The following ATP6V0D2 variants were observed in gnomAD, a reference collection of about 807,000 sequenced individuals.
ATP6V0D2 encodes the protein ATPase H+ transporting V0 subunit d2.
In ATP6V0D2, 40 loss-of-function variants were observed where a neutral mutation model predicts 40.0. The observed-to-expected ratio is 1.00, with a 90% confidence interval of 0.78 to 1.30. ATP6V0D2 has a LOEUF of 1.30. Ranked by LOEUF, ATP6V0D2 falls within the 50% of genes most tolerant of loss-of-function variation. ATP6V0D2 has a pLI of 0.00. For missense variants in ATP6V0D2, 470 were observed against 423.1 expected (o/e 1.11, Z -0.97); for synonymous variants, 179 against 156.3 (o/e 1.15, Z -1.08).
intron 1 of ATP6V0D2, among the ~76,000 whole-genome samples, chr8:86,103,410 C>T (rs553786710): frequency 7.3e-5 from 11 of 151,662 alleles, no homozygotes; most frequent in Middle Eastern, 3.4e-3. Context: ...GGATTACAGA[C>T]GTGAGCTGCT....
intron 1 of ATP6V0D2, among the ~76,000 whole-genome samples, chr8:86,103,140 G>T (rs553594770): frequency 1.3e-5 from 2 of 151,596 alleles, no homozygotes; most frequent in Admixed American, 1.3e-4. Context: ...TTTTTGAGAC[G>T]GAGTTTAGCT....
chr8:86,139,314 A>G, intron 2 of ATP6V0D2, 143 bp from the exon 3 acceptor site: 1 of 583,592 alleles, frequency 1.7e-6, no homozygotes, highest in Non-Finnish European at 2.8e-6. Context: ...CATCTCCTAA[A>G]CCCCAGTGTT....
At chr8:86,148,085 G>A (rs566109703) in intron 5 of ATP6V0D2, among the ~76,000 whole-genome samples, 9 of 152,190 alleles carry the variant, frequency 5.9e-5, no homozygotes, top group East Asian at 5.8e-4. Context: ...TGCTGCCTAC[G>A]TTGCCCTAAT....
At chr8:86,104,850 T>TACACACCCACACACAC (rs1818449152) in intron 1 of ATP6V0D2, among the ~76,000 whole-genome samples, 1 of 145,968 alleles carries the variant, frequency 6.9e-6, no homozygotes, top group African/African-American at 2.5e-5. Flanking sequence ...TTAAAACACA[T>TACACACCCACACACAC]ACACACACAC....
chr8:86,105,432 G>A (rs60506092), intron 1 of ATP6V0D2, among the ~76,000 whole-genome samples: 65,500 of 151,366 alleles, frequency 0.43, 14,587 homozygotes, highest in East Asian at 0.51. Flanking sequence ...CTGAGTAGCT[G>A]GAACTACAGG....
At chr8:86,119,699 C>CA (rs1818643645) in intron 2 of ATP6V0D2, among the ~76,000 whole-genome samples, 2 of 152,020 alleles carry the variant, frequency 1.3e-5, no homozygotes, top group African/African-American at 4.8e-5. Flanking sequence ...AAATTATGTA[C>CA]AAAAATACAG....
chr8:86,108,274 G>C (rs1402528253), intron 1 of ATP6V0D2, among the ~76,000 whole-genome samples: 1 of 152,028 alleles, frequency 6.6e-6, no homozygotes, highest in Non-Finnish European at 1.5e-5. Context: ...CCTGAGTATG[G>C]GGACCACAGG....
intron 2 of ATP6V0D2, among the ~76,000 whole-genome samples, chr8:86,131,254 C>G (rs2006725): frequency 6.6e-6 from 1 of 151,956 alleles, no homozygotes; most frequent in South Asian, 2.1e-4. Context: ...GGCTGGAGTT[C>G]AGTGGTGCAA....
chr8:86,099,844 G>T (rs180880206), intron 1 of ATP6V0D2, among the ~76,000 whole-genome samples: 2 of 152,122 alleles, frequency 1.3e-5, no homozygotes, highest in Admixed American at 1.3e-4. Flanking sequence ...AAAAATATTT[G>T]GTTTCCTTTA....
intron 1 of ATP6V0D2, among the ~76,000 whole-genome samples, chr8:86,106,657 C>T (rs1057446203): frequency 6.6e-6 from 1 of 152,012 alleles, no homozygotes; most frequent in Admixed American, 6.6e-5. Context: ...GGATATGAAT[C>T]CATTTAGTTT....
chr8:86,147,504 C>T (rs1229758640), intron 5 of ATP6V0D2, among the ~76,000 whole-genome samples: 1 of 152,130 alleles, frequency 6.6e-6, no homozygotes, highest in Non-Finnish European at 1.5e-5. Flanking sequence ...TAACACCAGC[C>T]CATTCAGTCT....
chr8:86,107,527 A>G (rs2130231186), intron 1 of ATP6V0D2, among the ~76,000 whole-genome samples: 2 of 152,330 alleles, frequency 1.3e-5, no homozygotes, highest in Middle Eastern at 6.8e-3. Flanking sequence ...TTCATCTATG[A>G]AATAGGATTA....
rs182025705 is a variant in ATP6V0D2, at chr8:86,111,146, C to T, written c.131-2563C>T. Among the ~76,000 whole-genome samples, 262 of 151,968 alleles carry T rather than the reference C, an allele frequency of 1.7e-3. 1 individual carries two copies. The highest frequency in any genetic ancestry group is 6.2e-3 in the African/African-American group (256 of 41,448). On this transcript the variant is annotated intron_variant, in intron 1 of 7. Transcript: ENST00000285393. ...ATCTTTCCAACCCCTCACCCTCTCA[C>T]TTGTCCCCCACTAAGTCGTTTTTTT...
intron 2 of ATP6V0D2, among the ~76,000 whole-genome samples, chr8:86,134,368 G>A (rs1011349831): frequency 6.6e-6 from 1 of 151,964 alleles, no homozygotes; most frequent in Non-Finnish European, 1.5e-5. Flanking sequence ...TTGAAACAAT[G>A]GGAAAAAAGA....
At chr8:86,105,402 G>A (rs1367156283) in intron 1 of ATP6V0D2, among the ~76,000 whole-genome samples, 4 of 151,770 alleles carry the variant, frequency 2.6e-5, no homozygotes, top group African/African-American at 9.7e-5. Flanking sequence ...GGACTTAAGC[G>A]ACCCTCCCAC....
intron 4 of ATP6V0D2, 63 bp downstream of exon 4, chr8:86,141,592 C>T: frequency 8.4e-7 from 1 of 1,197,466 alleles, no homozygotes; most frequent in East Asian, 2.5e-5. Context: ...CTAGAGTTCT[C>T]TATTAAAACT....
chr8:86,122,584 A>G (rs1818684495), intron 2 of ATP6V0D2, among the ~76,000 whole-genome samples: 1 of 152,210 alleles, frequency 6.6e-6, no homozygotes, highest in Admixed American at 6.5e-5. Flanking sequence ...AATGAACAAC[A>G]TAACTCTGGC....
intron 5 of ATP6V0D2, among the ~76,000 whole-genome samples, 155 bp from the exon 6 acceptor site, chr8:86,149,957 C>A (rs761268376): frequency 3.9e-5 from 6 of 151,956 alleles, no homozygotes; most frequent in Admixed American, 3.3e-4. Context: ...CAAGAAAAGA[C>A]TAAGGGAACA....
At chr8:86,121,950 G>A (rs1213700421) in intron 2 of ATP6V0D2, among the ~76,000 whole-genome samples, 5 of 152,128 alleles carry the variant, frequency 3.3e-5, no homozygotes, top group Admixed American at 3.3e-4. Context: ...AACTTATTTT[G>A]AAAATCTGGA....
Sources: allele counts gnomAD v4.1 joint callset (sites outside exome capture counted in the v4.1 genomes callset), GRCh38; gene constraint gnomAD v4.1.1; transcripts MANE v1.5; gene names NCBI Gene and HGNC (gene_info 2026-07-23, HGNC 2026-07-21).